ATP9B: variants seen among roughly 807,000 people sequenced by gnomAD.
ATP9B encodes ATPase phospholipid transporting 9B, also known as probable phospholipid-transporting ATPase IIB.
A neutral mutation model predicts 146.1 loss-of-function variants in ATP9B; 110 were observed. The ratio of observed to expected loss-of-function variants is 0.75; its 90% CI spans 0.65 to 0.88. The LOEUF is 0.88. ATP9B is among the 40% of genes least tolerant of loss of function. The probability of loss-of-function intolerance (pLI) is 0.00; values close to 1 mark genes in which losing one functional copy is unlikely to be tolerated. For missense variants in ATP9B, 1,499 were observed against 1,496.4 expected, an observed-to-expected ratio of 1.00 and a Z score of -0.03; for synonymous variants, 604 against 569.7, an observed-to-expected ratio of 1.06 and a Z score of -0.86.
At position 79,233,634 on chromosome 18, in the gene ATP9B, G is replaced by A. The variant is rs746328685; in HGVS notation, c.1107+19596G>A. On this transcript the variant is annotated intron_variant, in intron 11 of 29. Coordinates refer to ENST00000426216, the MANE Select transcript of ATP9B (RefSeq NM_198531.5). Reference sequence around the variant, plus strand: ...ACGAGAGGTGGGGCTTAGGTGTGTCGTTACAGATGTTGATGAACAGGAGGA... The same window carrying A: ...ACGAGAGGTGGGGCTTAGGTGTGTCATTACAGATGTTGATGAACAGGAGGA... Among the ~76,000 whole-genome samples the A allele has an allele frequency of 6.6e-5, 10 of 152,274 alleles. No individual in the cohort carries two copies. The South Asian group carries it at 1.0e-3, about 16-fold the overall frequency.
chr18:79,198,206 A>G (rs962778111), intron 9 of ATP9B, among the ~76,000 whole-genome samples: 1 of 152,330 alleles, frequency 6.6e-6, no homozygotes, highest in South Asian at 2.1e-4. Context: ...TTAAAATTAG[A>G]TGGTTTAAAT....
intron 11 of ATP9B, among the ~76,000 whole-genome samples, chr18:79,248,999 GA>G (rs1173090410): frequency 2.0e-5 from 3 of 151,812 alleles, no homozygotes; most frequent in Non-Finnish European, 2.9e-5. Flanking sequence ...AGTATGATGT[GA>G]GTTTTAATTT....
chr18:79,234,335 G>T (rs1290736699), intron 11 of ATP9B, among the ~76,000 whole-genome samples: 4 of 152,190 alleles, frequency 2.6e-5, no homozygotes, highest in Non-Finnish European at 5.9e-5. Context: ...TCCTCTCACC[G>T]TTGACCTTTT....
At chr18:79,086,154 C>T (rs188868981) in intron 1 of ATP9B, 173 of 152,032 alleles carry the variant, frequency 1.1e-3, no homozygotes, top group Non-Finnish European at 1.7e-3. Context: ...AAAAGGCATC[C>T]GTAGGCTGCG....
chr18:79,288,557 A>G (rs2096467990), intron 13 of ATP9B, among the ~76,000 whole-genome samples: 1 of 151,164 alleles, frequency 6.6e-6, no homozygotes, highest in Admixed American at 6.6e-5. Context: ...ATGGGTCTTG[A>G]CTCTTTATCC....
At chr18:79,287,234 A>C (rs572818035) in intron 13 of ATP9B, among the ~76,000 whole-genome samples, 1 of 152,204 alleles carries the variant, frequency 6.6e-6, no homozygotes, top group Non-Finnish European at 1.5e-5. Context: ...TTTGGCTGTG[A>C]ATCCATCTGG....
rs2097088437 is a variant in ATP9B at position 79,373,953 on chromosome 18, G to T, written c.3126G>T (p.Val1042=). Residue 1042 remains valine, a synonymous_variant, in exon 28 of 30, where the codon GTG becomes GTT. Coordinates refer to ENST00000426216, the MANE Select transcript of ATP9B (RefSeq NM_198531.5). ...LVLFESEFVH[V]VAISFTALIL... Reference sequence around the variant, plus strand: ...TCTTCGAGTCTGAGTTCGTCCACGTGGTGGCCATCTCCTTCACCGCACTGA... The same window carrying T: ...TCTTCGAGTCTGAGTTCGTCCACGTTGTGGCCATCTCCTTCACCGCACTGA... 3.1e-6 allele frequency: 5 copies of T among 1,613,848 alleles called. No individual in the cohort carries two copies. The highest frequency in any genetic ancestry group is 4.2e-6 in the Non-Finnish European group (5 of 1,180,036).
Position 79,205,263 on chromosome 18 carries a change from A to G in ATP9B, c.955-1674A>G, listed in dbSNP as rs73971519. On this transcript the variant is annotated intron_variant, in intron 9 of 29. Transcript: ENST00000426216. ...TTTTGGAAACTGTTAGGATTGGTTT[A>G]GATTCTGTGCTTCACAAATAAACAA... is the stretch of plus-strand genomic sequence containing the variant. Among the ~76,000 whole-genome samples the G allele has an allele frequency of 8.6e-3, 735 of 85,798 alleles. 9 individuals are homozygous for G. Among genetic ancestry groups the G allele is most frequent in the African/African-American group, 0.039 (666 of 16,878 alleles). The allele number at this position is 85,798 out of a possible 152,430, so 56.3% of individuals were successfully genotyped here. A position where few individuals can be genotyped will look rare whatever the true frequency, so the allele number is the denominator to read the frequency against.
chr18:79,140,735 G>A (rs943056035), intron 5 of ATP9B, among the ~76,000 whole-genome samples: 3 of 152,044 alleles, frequency 2.0e-5, no homozygotes, highest in South Asian at 2.1e-4. Flanking sequence ...AGTCGAAATC[G>A]CACCACTGCA....
intron 5 of ATP9B, among the ~76,000 whole-genome samples, chr18:79,129,471 C>T (rs1365577688): frequency 6.6e-6 from 1 of 152,188 alleles, no homozygotes; most frequent in African/African-American, 2.4e-5. Flanking sequence ...AAGCCCAGGA[C>T]AGGTTTTGTT....
intron 2 of ATP9B, among the ~76,000 whole-genome samples, chr18:79,098,206 A>T (rs1256312096): frequency 6.6e-6 from 1 of 152,062 alleles, no homozygotes; most frequent in African/African-American, 2.4e-5. Context: ...CTGAAACTGG[A>T]TCCCTTCCTT....
At position 79,303,720 on chromosome 18, in the gene ATP9B, A is replaced by G. The variant is rs891372695; in HGVS notation, c.1524+4A>G. 1 of 1,611,284 alleles carries G rather than the reference A, an allele frequency of 6.2e-7. No homozygotes were observed. Among genetic ancestry groups the G allele is most frequent in the Non-Finnish European group, 8.5e-7 (1 of 1,177,848 alleles). The stretch of plus-strand genomic sequence containing the variant: ...TGTCAGGGACTCCTACTCACAGGTA[A>G]GTGGGTTCCTCCTGCACGGGGTCTG... On this transcript the variant is annotated splice_donor_region_variant and intron_variant, in intron 14 of 29. Coordinates refer to ENST00000426216, the MANE Select transcript of ATP9B (RefSeq NM_198531.5).
At chr18:79,327,874 ATGGATAGTGTGCTC>A (rs2096766318) in intron 15 of ATP9B, among the ~76,000 whole-genome samples, 1 of 13,898 alleles carries the variant, frequency 7.2e-5, no homozygotes. Context: ...CGTGCTCTCC[ATGGATAGTGTGCTC>A]TCCGTGGTTA....
At chr18:79,179,346 CCTT>C (rs1392373796) in intron 8 of ATP9B, among the ~76,000 whole-genome samples, 2 of 151,976 alleles carry the variant, frequency 1.3e-5, no homozygotes, top group South Asian at 4.2e-4. Flanking sequence ...GTTTCTTCCT[CCTT>C]AAGGTGGAAG....
intron 1 of ATP9B, among the ~76,000 whole-genome samples, chr18:79,095,441 G>A (rs1222079003): frequency 6.6e-6 from 1 of 152,160 alleles, no homozygotes; most frequent in Non-Finnish European, 1.5e-5. Context: ...CTGTGATCCA[G>A]ACTGGACTCT....
At chr18:79,157,405 A>AAAAAAAAAAAAAAC (rs2094806375) in intron 7 of ATP9B, among the ~76,000 whole-genome samples, 3 of 124,598 alleles carry the variant, frequency 2.4e-5, no homozygotes, top group East Asian at 3.2e-4. Flanking sequence ...TCAAAAAAAA[A>AAAAAAAAAAAAAAC]AAAAAAAAAA....
intron 25 of ATP9B, chr18:79,353,600 AG>A (rs1478144106): frequency 6.6e-6 from 1 of 152,194 alleles, no homozygotes; most frequent in Non-Finnish European, 1.5e-5. Context: ...GCCAGGTGTT[AG>A]CCTGCGGGGA....
intron 11 of ATP9B, among the ~76,000 whole-genome samples, chr18:79,237,656 GATTTATTTCTAAGT>G (rs1456853064): frequency 2.0e-5 from 3 of 148,566 alleles, no homozygotes; most frequent in African/African-American, 7.4e-5. Flanking sequence ...CCTTTTGTTG[GATTTATTTCTAAGT>G]ATTTGACTTT....
intron 5 of ATP9B, among the ~76,000 whole-genome samples, chr18:79,130,473 G>A (rs115365059): frequency 9.6e-4 from 145 of 151,780 alleles, no homozygotes; most frequent in African/African-American, 2.7e-3. Context: ...AGCATCAAGC[G>A]TACCAAATAC....
Sources: allele counts gnomAD v4.1 joint callset (sites outside exome capture counted in the v4.1 genomes callset), GRCh38; gene constraint gnomAD v4.1.1; transcripts MANE v1.5; gene names NCBI Gene and HGNC (gene_info 2026-07-23, HGNC 2026-07-21).